Variants in RARA observed in about 807,000 individuals in gnomAD.
The protein encoded by RARA is PML-DDX5-RARA fusion.
A neutral mutation model predicts 42.8 loss-of-function variants in RARA; 5 were observed. The ratio of observed to expected loss-of-function variants is 0.12; its 90% CI spans 0.06 to 0.25. The LOEUF (loss-of-function observed/expected upper bound fraction) is 0.25, where lower values mean the gene tolerates loss of function less well. RARA is among the 10% of genes least tolerant of loss of function. The pLI, the probability that RARA is intolerant of heterozygous loss-of-function variation, is 1.00. For synonymous variants in RARA, 256 were observed against 259.5 expected (o/e 0.99, Z 0.13); for missense variants, 402 against 628.7 (o/e 0.64, Z 3.86).
At chr17:40,344,331 A>T (rs980587896) in intron 2 of RARA, among the ~76,000 whole-genome samples, 2 of 152,016 alleles carry the variant, frequency 1.3e-5, no homozygotes, top group Admixed American at 1.3e-4. Flanking sequence ...ACTTTGGAAG[A>T]AGAGAGAGTG....
Position 40,351,649 on chromosome 17 carries a change from T to A in RARA, c.470-261T>A. On this transcript the variant is annotated intron_variant, in intron 4 of 8. Coordinates refer to ENST00000254066, the MANE Select transcript of RARA (RefSeq NM_000964.4). The surrounding 1 kb of genome is among the most constrained non-coding windows in gnomAD (Gnocchi z 4.1). The stretch of plus-strand genomic sequence containing the variant: ...GCGTGGGGGATAGCATGCGGCTGGC[T>A]ATGGGGTGGGGTGGGGGGTGTGTGC... 1 of 547,170 alleles carries A rather than the reference T, an allele frequency of 1.8e-6. No homozygotes were observed. Among genetic ancestry groups the A allele is most frequent in the East Asian group, 3.3e-5 (1 of 30,688 alleles). The allele number at this position is 547,170 out of a possible 1,614,324, so 33.9% of individuals were successfully genotyped here.
intron 2 of RARA, among the ~76,000 whole-genome samples, chr17:40,344,298 CAA>C (rs1447840585): frequency 1.3e-5 from 2 of 152,116 alleles, no homozygotes; most frequent in Non-Finnish European, 2.9e-5. Context: ...GCTGTAGACA[CAA>C]GAGGGAAGGT....
Position 40,348,279 on chromosome 17 carries a change from T to G in RARA, c.179-37T>G, listed in dbSNP as rs557295736. On this transcript the variant is annotated intron_variant, in intron 2 of 8. Transcript: ENST00000254066. Reference sequence around the variant, plus strand: ...GAGCTTGGTACTAAGGATGGCGACCTAGGTCTCTAACTGCCCCTCCCCTCT... The same window carrying G: ...GAGCTTGGTACTAAGGATGGCGACCGAGGTCTCTAACTGCCCCTCCCCTCT... 5 of 1,518,602 alleles carry G rather than the reference T, an allele frequency of 3.3e-6. No individual in the cohort carries two copies. In the African/African-American group the frequency reaches 7.0e-5, roughly 21 times the overall value. 94.1% of individuals were successfully genotyped at this position (1,518,602 alleles called of 1,614,324 possible).
chr17:40,351,286 A>C lies in RARA; in HGVS notation c.470-624A>C. 2.6e-5 allele frequency: 3 copies of C among 113,318 alleles called. No individual in the cohort carries two copies. Among genetic ancestry groups the C allele is most frequent in the East Asian group, 3.1e-4 (1 of 3,268 alleles). 7.0% of individuals were successfully genotyped at this position (113,318 alleles called of 1,614,324 possible). A position where few individuals can be genotyped will look rare whatever the true frequency, so the allele number is the denominator to read the frequency against. Reference sequence around the variant, plus strand: ...TCCCGCGTCAGCAGCCACCACCACCAGCCCTGTGAGTGATTGTGTGTCTGG... The same window carrying C: ...TCCCGCGTCAGCAGCCACCACCACCCGCCCTGTGAGTGATTGTGTGTCTGG... On this transcript the variant is annotated intron_variant, in intron 4 of 8. Transcript: ENST00000254066. This position sits in a 1 kb window ranked among gnomAD's most constrained non-coding sequence, Gnocchi z 4.1.
chr17:40,355,452 C>T lies in RARA; in HGVS notation c.1171+31C>T, dbSNP rs534045740. ...GCTCACAGACCTGGAGGGGTACCGG[C>T]CCCCGACACCTGGCCCAGGCCCCCA... On this transcript the variant is annotated intron_variant, in intron 8 of 8. Coordinates refer to ENST00000254066, the MANE Select transcript of RARA (RefSeq NM_000964.4). This position sits in a 1 kb window ranked among gnomAD's most constrained non-coding sequence, Gnocchi z 4.1. 77 of 1,585,414 alleles carry T rather than the reference C, an allele frequency of 4.9e-5. 2 individuals carry two copies. In the South Asian group the frequency reaches 8.1e-4, roughly 17 times the overall value.
chr17:40,349,602 C>G, intron 3 of RARA, 182 bp from the exon 4 acceptor site: 1 of 697,024 alleles, frequency 1.4e-6, no homozygotes, highest in Non-Finnish European at 2.3e-6. Context: ...CTGGGATTCT[C>G]CTGAGGAGGA....
At chr17:40,330,551 C>G (rs932933989) in intron 1 of RARA, among the ~76,000 whole-genome samples, 2 of 152,140 alleles carry the variant, frequency 1.3e-5, no homozygotes, top group Non-Finnish European at 2.9e-5. Flanking sequence ...GCCAGCTGCC[C>G]GTTTCTGCTG....
Position 40,348,302 on chromosome 17 carries a change from T to C in RARA, c.179-14T>C. ...CCTAGGTCTCTAACTGCCCCTCCCCTCTTCTCTCTCTAGCCATTGAGACCC... is the reference window on the plus strand; with the variant it reads ...CCTAGGTCTCTAACTGCCCCTCCCCCCTTCTCTCTCTAGCCATTGAGACCC... On this transcript the variant is annotated splice_polypyrimidine_tract_variant and intron_variant, in intron 2 of 8. Transcript: ENST00000254066. 1 of 1,561,152 alleles carries C rather than the reference T, an allele frequency of 6.4e-7. No individual in the cohort carries two copies. Among genetic ancestry groups the C allele is most frequent in the Non-Finnish European group, 8.7e-7 (1 of 1,153,648 alleles).
At chr17:40,314,056 G>A (rs1194553687) in intron 1 of RARA, among the ~76,000 whole-genome samples, 1 of 152,110 alleles carries the variant, frequency 6.6e-6, no homozygotes, top group East Asian at 1.9e-4. Flanking sequence ...ATACTAGGCT[G>A]GTCTTAACAT....
At chr17:40,335,088 T>C (rs1258061950) in intron 2 of RARA, among the ~76,000 whole-genome samples, 1 of 151,800 alleles carries the variant, frequency 6.6e-6, no homozygotes, top group Non-Finnish European at 1.5e-5. Flanking sequence ...GTTGGGTGTG[T>C]GTTGGGAAGG....
At chr17:40,340,126 CCCA>C (rs1034641051) in intron 2 of RARA, among the ~76,000 whole-genome samples, 10 of 152,058 alleles carry the variant, frequency 6.6e-5, no homozygotes, top group African/African-American at 2.4e-4. Context: ...CCCCCACCCC[CCCA>C]CGTTATTTGT....
chr17:40,349,828 T>C lies in RARA; in HGVS notation c.372T>C (p.Cys124=). The C allele has an allele frequency of 6.2e-7, 1 of 1,614,190 alleles. No individual in the cohort carries two copies. Among genetic ancestry groups the C allele is most frequent in the Non-Finnish European group, 8.5e-7 (1 of 1,180,032 alleles). Residue 124 remains cysteine (C), a synonymous_variant, in exon 4 of 9, where the codon TGT becomes TGC. Coordinates refer to ENST00000254066, the MANE Select transcript of RARA (RefSeq NM_000964.4). The part of the protein sequence containing the change: ...RSIQKNMVYT[C]HRDKNCIINK... ...TCCAGAAGAACATGGTGTACACGTG[T>C]CACCGGGACAAGAACTGCATCATCA...
chr17:40,314,868 G>A (rs1463094399), intron 1 of RARA, among the ~76,000 whole-genome samples: 2 of 151,882 alleles, frequency 1.3e-5, no homozygotes, highest in South Asian at 2.1e-4. Flanking sequence ...CCAGGCTTGT[G>A]GTGGGGGTGG....
chr17:40,335,281 C>T (rs2033811992), intron 2 of RARA, among the ~76,000 whole-genome samples: 1 of 152,028 alleles, frequency 6.6e-6, no homozygotes. Context: ...GGGTTCTTAA[C>T]CTTTCTTGGC....
chr17:40,354,763 C>A lies in RARA; in HGVS notation c.1012+257C>A, dbSNP rs184122139. 1.8e-4 allele frequency among the ~76,000 whole-genome samples: 27 copies of A among 152,278 alleles called. No homozygotes were observed. The highest frequency in any genetic ancestry group is 8.5e-4 in the Admixed American group (13 of 15,304). ...GGTCACCTCCTGGCCGATGCATGAC[C>A]CTGAGCAGGTTGCTGAACTTCTCTG... On this transcript the variant is annotated intron_variant, in intron 7 of 8. Transcript: ENST00000254066. The surrounding 1 kb of genome is among the most constrained non-coding windows in gnomAD (Gnocchi z 4.5).
In RARA at chr17:40,355,210, C is replaced by T. The variant is rs2034578803; in HGVS notation, c.1013-53C>T. ...CAGGCACGCCCCCCGGTGGCCGAGGCTGGGGGTGCAGCTGTGTTCCCAGCT... is the reference window on the plus strand; with the variant it reads ...CAGGCACGCCCCCCGGTGGCCGAGGTTGGGGGTGCAGCTGTGTTCCCAGCT... On this transcript the variant is annotated intron_variant, in intron 7 of 8. Coordinates refer to ENST00000254066, the MANE Select transcript of RARA (RefSeq NM_000964.4). The surrounding 1 kb of genome is among the most constrained non-coding windows in gnomAD (Gnocchi z 4.1). 6.6e-7 allele frequency: 1 copy of T among 1,513,702 alleles called. No homozygotes were observed. Among genetic ancestry groups the T allele is most frequent in the East Asian group, 2.5e-5 (1 of 40,286 alleles). The allele number at this position is 1,513,702 out of a possible 1,614,324, so 93.8% of individuals were successfully genotyped here.
chr17:40,329,325 G>C (rs1038250130), intron 1 of RARA, among the ~76,000 whole-genome samples: 11 of 150,284 alleles, frequency 7.3e-5, no homozygotes, highest in Non-Finnish European at 1.5e-4. Flanking sequence ...TTTTTTTTTG[G>C]AGACGGAGTC....
intron 2 of RARA, among the ~76,000 whole-genome samples, chr17:40,336,549 C>T (rs955167154): frequency 2.6e-4 from 40 of 151,442 alleles, no homozygotes; most frequent in African/African-American, 8.5e-4. Context: ...CCACCATGCC[C>T]GGCTAATTTT....
chr17:40,331,451 T>C (rs907969685), intron 2 of RARA, 55 bp downstream of exon 2: 1 of 1,558,978 alleles, frequency 6.4e-7, no homozygotes, highest in African/African-American at 1.4e-5. Flanking sequence ...GTGGCAGGCC[T>C]CAGAGCTTGG....
Sources: allele counts gnomAD v4.1 joint callset (sites outside exome capture counted in the v4.1 genomes callset), GRCh38; gene constraint gnomAD v4.1.1; non-coding constraint Gnocchi (gnomAD v3.1); transcripts MANE v1.5; gene names NCBI Gene and HGNC (gene_info 2026-07-23, HGNC 2026-07-21).